Variants in ATF2 observed in about 807,000 individuals in gnomAD.
ATF2 encodes the protein activating transcription factor 2.
ATF2 carries 24 observed loss-of-function variants against 60.6 expected under a neutral mutation model. The ratio of observed to expected loss-of-function variants is 0.40; its 90% CI spans 0.29 to 0.56. The LOEUF (loss-of-function observed/expected upper bound fraction) is 0.56, where lower values mean the gene tolerates loss of function less well. Among genes scored for constraint, ATF2 ranks in the 20% least tolerant of loss-of-function variants. The pLI, the probability that ATF2 is intolerant of heterozygous loss-of-function variation, is 0.54. For synonymous variants in ATF2, 206 were observed against 215.4 expected (o/e 0.96, Z 0.38); for missense variants, 433 against 607.7 (o/e 0.71, Z 3.02).
At chr2:175,122,695 T>A (rs1248946248) in intron 4 of ATF2, among the ~76,000 whole-genome samples, 1 of 152,056 alleles carries the variant, frequency 6.6e-6, no homozygotes, top group East Asian at 1.9e-4. Flanking sequence ...GCCTTGGTTA[T>A]AGCACCTATC....
intron 10 of ATF2, among the ~76,000 whole-genome samples, chr2:175,101,378 A>T (rs1695300524): frequency 6.6e-6 from 1 of 152,220 alleles, no homozygotes; most frequent in South Asian, 2.1e-4. Context: ...ATATTTTATA[A>T]ATAGAATGTT....
intron 5 of ATF2, among the ~76,000 whole-genome samples, chr2:175,119,902 C>T (rs768933946): frequency 1.3e-5 from 2 of 151,628 alleles, no homozygotes; most frequent in African/African-American, 2.4e-5. Flanking sequence ...CATCAGACTT[C>T]AGAAAAGTCA....
chr2:175,167,896 A>G (rs1700477619), intron 1 of ATF2, 154 bp downstream of exon 1: 3 of 388,994 alleles, frequency 7.7e-6, no homozygotes, highest in Non-Finnish European at 1.6e-5. Flanking sequence ...CACAGCCACA[A>G]TCGCCCCAAG....
rs1574293125 is a variant in ATF2 at position 175,074,307 on chromosome 2, C to T, written c.*302G>A. 1 of 197,560 alleles carries T rather than the reference C, an allele frequency of 5.1e-6. No homozygotes were observed. 12.2% of individuals were successfully genotyped at this position (197,560 alleles called of 1,614,324 possible). On this transcript the variant is annotated 3_prime_UTR_variant, in exon 14 of 14. Coordinates refer to ENST00000264110, the MANE Select transcript of ATF2 (RefSeq NM_001880.4). ...GTAACACCCCCATTTATTAAAACAC[C>T]AGCAAATTAAAAGTGAAATAAATCA...
chr2:175,125,519 A>G (rs565613324), intron 4 of ATF2, among the ~76,000 whole-genome samples: 1 of 152,272 alleles, frequency 6.6e-6, no homozygotes, highest in African/African-American at 2.4e-5. Context: ...TTTAGCTTTT[A>G]AAAAACAATT....
intron 2 of ATF2, among the ~76,000 whole-genome samples, chr2:175,142,035 GA>G (rs758519064): frequency 5.9e-5 from 9 of 151,688 alleles, no homozygotes; most frequent in East Asian, 3.9e-4. Flanking sequence ...AAAAAGAAAA[GA>G]AAAAAACCTA....
chr2:175,112,745 G>C (rs1332756752), intron 9 of ATF2, among the ~76,000 whole-genome samples: 2 of 151,954 alleles, frequency 1.3e-5, no homozygotes, highest in African/African-American at 2.4e-5. Context: ...ATCACAACTG[G>C]CTAATTTGTG....
chr2:175,080,789 C>A (rs1693708943), intron 12 of ATF2, 24 bp from the exon 13 acceptor site: 2 of 1,561,676 alleles, frequency 1.3e-6, no homozygotes, highest in Non-Finnish European at 1.8e-6. Flanking sequence ...AACTTATGTA[C>A]CTTACCACAG....
At position 175,074,689 on chromosome 2, in the gene ATF2, T is replaced by C; in HGVS notation, c.1438A>G (p.Met480Val). Residue 480 changes from methionine (M) to valine (V), a missense_variant, in exon 14 of 14, where the codon ATG (methionine) becomes GTG (valine). Physicochemically the swap from Met to Val is conservative, Grantham distance 21 (BLOSUM62 1). This residue lies in a region of ATF2 where 114 missense variants were observed against 104.0 expected (regional missense o/e 1.10). Transcript: ENST00000264110. ...EAVATSVLTQ[M>V]ADQSTEPALS... ...GCAGGCTCTGTACTCTGGTCCGCCA[T>C]CTGGGTGAGGACTGAAGTGGCTACA... 6.2e-7 allele frequency: 1 copy of C among 1,613,456 alleles called. No homozygotes were observed. The highest frequency in any genetic ancestry group is 8.5e-7 in the Non-Finnish European group (1 of 1,179,670).
At chr2:175,087,615 A>C (rs986042166) in intron 12 of ATF2, among the ~76,000 whole-genome samples, 12 of 152,116 alleles carry the variant, frequency 7.9e-5, no homozygotes, top group Non-Finnish European at 1.6e-4. Flanking sequence ...CATTACCCCC[A>C]AAAATAAAGA....
chr2:175,118,192 A>C (rs1387095560), intron 6 of ATF2, 59 bp downstream of exon 6: 16 of 1,592,378 alleles, frequency 1.0e-5, no homozygotes, highest in Non-Finnish European at 1.3e-5. Flanking sequence ...CAGGAAGTAT[A>C]AACTATGATT....
intron 1 of ATF2, chr2:175,167,736 G>T: frequency 2.1e-6 from 1 of 477,906 alleles, no homozygotes; most frequent in South Asian, 1.5e-5. Context: ...GGAGGGAGGG[G>T]TCTAAGAGGG....
At chr2:175,137,405 T>C (rs1559103438) in intron 2 of ATF2, among the ~76,000 whole-genome samples, 1 of 152,190 alleles carries the variant, frequency 6.6e-6, no homozygotes, top group Non-Finnish European at 1.5e-5. Flanking sequence ...GCCATGCTTC[T>C]GTCATTACAA....
chr2:175,116,967 T>C (rs1005424093), intron 7 of ATF2, among the ~76,000 whole-genome samples: 3 of 151,964 alleles, frequency 2.0e-5, no homozygotes, highest in Admixed American at 6.6e-5. Flanking sequence ...AACTCTCTAA[T>C]GACATGGGAA....
At chr2:175,134,390 TA>T (rs1046816517) in intron 3 of ATF2, among the ~76,000 whole-genome samples, 1 of 151,114 alleles carries the variant, frequency 6.6e-6, no homozygotes, top group Non-Finnish European at 1.5e-5. Context: ...ACTGTATATC[TA>T]AAAAAAACGA....
At chr2:175,075,143 G>GATA (rs1693207946) in intron 13 of ATF2, 1 of 1,054,166 alleles carries the variant, frequency 9.5e-7, no homozygotes, top group East Asian at 5.1e-5. Flanking sequence ...GTCTCTTACA[G>GATA]ATACAATCAA....
chr2:175,108,361 A>G (rs1695877499), intron 10 of ATF2, among the ~76,000 whole-genome samples: 1 of 144,690 alleles, frequency 6.9e-6, no homozygotes, highest in South Asian at 2.3e-4. Context: ...CTCGTCCGGG[A>G]GGGAGGTGGG....
At chr2:175,152,039 T>C (rs536675687) in intron 1 of ATF2, among the ~76,000 whole-genome samples, 9 of 152,232 alleles carry the variant, frequency 5.9e-5, no homozygotes, top group South Asian at 4.1e-4. Flanking sequence ...GGATAGGAAA[T>C]ATGTCCTTTA....
At chr2:175,116,681 A>T (rs1267860185) in intron 7 of ATF2, among the ~76,000 whole-genome samples, 4 of 151,608 alleles carry the variant, frequency 2.6e-5, no homozygotes, top group Admixed American at 1.3e-4. Context: ...CATATGGTAT[A>T]CCTTGCTCAA....
Sources: allele counts gnomAD v4.1 joint callset (sites outside exome capture counted in the v4.1 genomes callset), GRCh38; gene constraint gnomAD v4.1.1; regional missense constraint gnomAD v4.1.1; transcripts MANE v1.5; gene names NCBI Gene and HGNC (gene_info 2026-07-23, HGNC 2026-07-21).